GPRC5B: variants seen among roughly 807,000 people sequenced by gnomAD.
The protein encoded by GPRC5B is G protein-coupled receptor class C group 5 member B.
Under a neutral mutation model 30.1 loss-of-function variants are expected in GPRC5B, and 16 were observed. The ratio of observed to expected loss-of-function variants is 0.53; its 90% CI spans 0.36 to 0.81. The LOEUF (loss-of-function observed/expected upper bound fraction) is 0.81, where lower values mean the gene tolerates loss of function less well. Ranked by LOEUF, GPRC5B falls within the 30% of genes least tolerant of loss-of-function variation. The pLI is 0.01. For synonymous variants in GPRC5B, 241 were observed against 239.5 expected, an observed-to-expected ratio of 1.01 and a Z score of -0.06; for missense variants, 428 against 544.7, an observed-to-expected ratio of 0.79 and a Z score of 2.13.
chr16:19,862,990 G>T (rs1367126803), intron 2 of GPRC5B, among the ~76,000 whole-genome samples: 2 of 152,150 alleles, frequency 1.3e-5, no homozygotes, highest in African/African-American at 2.4e-5. Flanking sequence ...TTGTTTGTTT[G>T]TTTTGCAAAT....
chr16:19,876,563 CA>C (rs80075152), intron 1 of GPRC5B, among the ~76,000 whole-genome samples: 9,126 of 152,240 alleles, frequency 0.06, 451 homozygotes, highest in South Asian at 0.2. Flanking sequence ...GACCTGGCTG[CA>C]AATTGGGACT....
Position 19,872,698 on chromosome 16 carries a change from C to A in GPRC5B, c.148G>T (p.Asp50Tyr). The change falls in exon 2 of 4, where the codon GAC (aspartate) becomes TAC (tyrosine). Residue 50 changes from aspartate to tyrosine, a missense_variant. Transcript: ENST00000300571. This position sits in a 1 kb window ranked among gnomAD's most constrained non-coding sequence, Gnocchi z 5.0. Reference protein sequence around the residue: ...DLLPQYVSLCDLDAIWGIVVE... With the variant: ...DLLPQYVSLCYLDAIWGIVVE... ...ACAATGCCCCAGATGGCGTCCAGGT[C>A]GCACAGGGACACGTACTGAGGGAGG... The A allele has an allele frequency of 6.2e-7, 1 of 1,614,068 alleles. No individual in the cohort carries two copies. Among genetic ancestry groups the A allele is most frequent in the Non-Finnish European group, 8.5e-7 (1 of 1,180,046 alleles).
chr16:19,872,665 C>A lies in GPRC5B; in HGVS notation c.181G>T (p.Ala61Ser), dbSNP rs2056731909. 1 of 1,614,136 alleles carries A rather than the reference C, an allele frequency of 6.2e-7. No homozygotes were observed. The highest frequency in any genetic ancestry group is 8.5e-7 in the Non-Finnish European group (1 of 1,180,006). ...ATCAGGGCGCCCGCCCCGGCCACCGCCTCCACCACAATGCCCCAGATGGCG... is the reference window on the plus strand; with the variant it reads ...ATCAGGGCGCCCGCCCCGGCCACCGACTCCACCACAATGCCCCAGATGGCG... ...LDAIWGIVVE[A>S]VAGAGALITL... is the part of the protein sequence containing the mutation. Residue 61 changes from alanine to serine, a missense_variant, in exon 2 of 4, where the codon GCG becomes TCG. Physicochemically the swap from Ala to Ser is moderately conservative, Grantham distance 99. Transcript: ENST00000300571. The surrounding 1 kb of genome is among the most constrained non-coding windows in gnomAD (Gnocchi z 5.0).
At chr16:19,869,671 C>T (rs923913496) in intron 2 of GPRC5B, among the ~76,000 whole-genome samples, 7 of 152,142 alleles carry the variant, frequency 4.6e-5, no homozygotes, top group South Asian at 2.1e-4. Context: ...GCAGATAGTC[C>T]TGGGTACCCA....
intron 1 of GPRC5B, among the ~76,000 whole-genome samples, chr16:19,880,305 C>A (rs1443487013): frequency 2.0e-5 from 3 of 149,984 alleles, no homozygotes; most frequent in African/African-American, 7.3e-5. Context: ...AGGTATTTGT[C>A]CACCGCTGGT....
In GPRC5B at chr16:19,859,174, C is replaced by T. The variant is rs1357582421; in HGVS notation, c.*1326G>A. The T allele has an allele frequency of 1.3e-5, 2 of 152,626 alleles. No homozygotes were observed. The highest frequency in any genetic ancestry group is 2.9e-5 in the Non-Finnish European group (2 of 68,074). 9.5% of individuals were successfully genotyped at this position (152,626 alleles called of 1,614,324 possible). A position where few individuals can be genotyped will look rare whatever the true frequency, so the allele number is the denominator to read the frequency against. On this transcript the variant is annotated 3_prime_UTR_variant, in exon 4 of 4. Coordinates refer to ENST00000300571, the MANE Select transcript of GPRC5B (RefSeq NM_016235.3). ...CCCACCCTCATTTATACATTCCATG[C>T]CGTCAGGTTAAAACTCTGCTTTGAA...
At chr16:19,862,040 T>G in intron 2 of GPRC5B, 67 bp from the exon 3 acceptor site, 1 of 1,523,524 alleles carries the variant, frequency 6.6e-7, no homozygotes, top group Non-Finnish European at 9.1e-7. Flanking sequence ...TTTCTTCCCC[T>G]GCAACAACAG....
intron 1 of GPRC5B, 112 bp downstream of exon 1, chr16:19,884,615 G>T (rs985688989): frequency 1.3e-6 from 1 of 775,814 alleles, no homozygotes; most frequent in Non-Finnish European, 1.6e-6. Flanking sequence ...GGTTGGGGGG[G>T]CGCTTAGAAA....
Position 19,860,539 on chromosome 16 carries a change from TG to T in GPRC5B, c.1172del (p.Pro391GlnfsTer17). The T allele has an allele frequency of 6.3e-7, 1 of 1,596,534 alleles. No homozygotes were observed. The highest frequency in any genetic ancestry group is 8.6e-7 in the Non-Finnish European group (1 of 1,164,104). On this transcript the variant is annotated frameshift_variant, in exon 4 of 4. Transcript: ENST00000300571. LOFTEE classifies it high-confidence loss of function. ...MAVVLNGGTI[P>X]TAPPSHTGRH... is the part of the protein sequence containing the mutation. ...TTCCTGTGTGACTTGGCGGAGCAGTTGGGATCTGGAATAACACATAAGGATA... is the reference window on the plus strand; with the variant it reads ...TTCCTGTGTGACTTGGCGGAGCAGTTGGATCTGGAATAACACATAAGGATA...
upstream of GPRC5B, chr16:19,885,438 TCTCTC>T: frequency 8.8e-7 from 1 of 1,135,442 alleles, no homozygotes; most frequent in Non-Finnish European, 1.1e-6. This position sits in a 1 kb window ranked among gnomAD's most constrained non-coding sequence, Gnocchi z 5.3. Flanking sequence ...GACACACTCT[TCTCTC>T]TCCTCACTGC....
Position 19,858,564 on chromosome 16 carries a change from A to G in GPRC5B, c.*1936T>C, listed in dbSNP as rs754814379. On this transcript the variant is annotated 3_prime_UTR_variant, in exon 4 of 4. Transcript: ENST00000300571. ...CCATTTCCTGGCACGAGAATGTGTAATGCTGTCGTTTTTTCACCGGACAGG... is the reference window on the plus strand; with the variant it reads ...CCATTTCCTGGCACGAGAATGTGTAGTGCTGTCGTTTTTTCACCGGACAGG... The G allele has an allele frequency of 7.3e-6, 5 of 681,212 alleles. No individual in the cohort carries two copies. Among genetic ancestry groups the G allele is most frequent in the Non-Finnish European group, 1.3e-5 (5 of 375,516 alleles). 42.2% of individuals were successfully genotyped at this position (681,212 alleles called of 1,614,324 possible).
Position 19,861,832 on chromosome 16 carries a change from C to T in GPRC5B, c.1167+5G>A. On this transcript the variant is annotated splice_donor_5th_base_variant and intron_variant, in intron 3 of 3. Transcript: ENST00000300571. Reference sequence around the variant, plus strand: ...CCTACCCCCACATCACATCTTGATACTTACGGTCCCACCGTTGAGCACGAC... The same window carrying T: ...CCTACCCCCACATCACATCTTGATATTTACGGTCCCACCGTTGAGCACGAC... 2.5e-6 allele frequency: 4 copies of T among 1,612,700 alleles called. No individual in the cohort carries two copies. Among genetic ancestry groups the T allele is most frequent in the Middle Eastern group, 1.8e-4 (1 of 5,544 alleles).
intron 1 of GPRC5B, among the ~76,000 whole-genome samples, chr16:19,883,351 G>A (rs1367169137): frequency 1.3e-5 from 2 of 152,214 alleles, no homozygotes; most frequent in African/African-American, 4.8e-5. Context: ...GCAGGGAGCA[G>A]ATAGCAAACT....
chr16:19,883,292 T>C (rs766209339), intron 1 of GPRC5B, among the ~76,000 whole-genome samples: 8 of 152,196 alleles, frequency 5.3e-5, no homozygotes, highest in Non-Finnish European at 1.0e-4. Flanking sequence ...TCCTTCCTCC[T>C]GGAATCTCCT....
intron 1 of GPRC5B, among the ~76,000 whole-genome samples, chr16:19,873,261 A>G (rs1437293627): frequency 2.0e-5 from 3 of 151,950 alleles, no homozygotes; most frequent in Non-Finnish European, 4.4e-5. Flanking sequence ...TCAGGAGTTC[A>G]AGACCAGCCT....
chr16:19,867,991 C>T (rs1182333536), intron 2 of GPRC5B, among the ~76,000 whole-genome samples: 9 of 151,820 alleles, frequency 5.9e-5, no homozygotes, highest in African/African-American at 1.7e-4. Flanking sequence ...CGCTTGAACC[C>T]GGGAGGTGGA....
chr16:19,869,889 G>A (rs1487447318), intron 2 of GPRC5B, among the ~76,000 whole-genome samples: 3 of 152,078 alleles, frequency 2.0e-5, no homozygotes, highest in Non-Finnish European at 4.4e-5. Flanking sequence ...CTAGGCAACA[G>A]AGTGAGACCC....
chr16:19,858,759 C>A lies in GPRC5B; in HGVS notation c.*1741G>T. On this transcript the variant is annotated 3_prime_UTR_variant, in exon 4 of 4. Coordinates refer to ENST00000300571, the MANE Select transcript of GPRC5B (RefSeq NM_016235.3). Reference sequence around the variant, plus strand: ...GATTCTCTAGAAGCAAGCACATGCTCTGGGCAGAGGCGGGGTGCTTCCGGG... The same window carrying A: ...GATTCTCTAGAAGCAAGCACATGCTATGGGCAGAGGCGGGGTGCTTCCGGG... 1 of 416,282 alleles carries A rather than the reference C, an allele frequency of 2.4e-6. No individual in the cohort carries two copies. The highest frequency in any genetic ancestry group is 4.2e-6 in the Non-Finnish European group (1 of 236,254). The allele number at this position is 416,282 out of a possible 1,614,324, so 25.8% of individuals were successfully genotyped here.
At chr16:19,870,035 A>T (rs2056702309) in intron 2 of GPRC5B, among the ~76,000 whole-genome samples, 1 of 152,170 alleles carries the variant, frequency 6.6e-6, no homozygotes, top group African/African-American at 2.4e-5. Flanking sequence ...TGATTGTGCC[A>T]CTGCACTCTA....
Sources: allele counts gnomAD v4.1 joint callset (sites outside exome capture counted in the v4.1 genomes callset), GRCh38; gene constraint gnomAD v4.1.1; non-coding constraint Gnocchi (gnomAD v3.1); transcripts MANE v1.5; gene names NCBI Gene and HGNC (gene_info 2026-07-23, HGNC 2026-07-21).